Variants in RYR2 observed in about 807,000 individuals in gnomAD.
RYR2 encodes cardiac muscle ryanodine receptor-calcium release channel.
Under a neutral mutation model 601.1 loss-of-function variants are expected in RYR2, and 227 were observed. The observed-to-expected ratio is 0.38, with a 90% CI of 0.34 to 0.42. The LOEUF (loss-of-function observed/expected upper bound fraction) is 0.42, where lower values mean the gene tolerates loss of function less well. Ranked by LOEUF, RYR2 falls within the 10% of genes least tolerant of loss-of-function variation. The pLI is 1.00. For synonymous variants in RYR2, 2,223 were observed against 2,175.1 expected, an observed-to-expected ratio of 1.02 and a Z score of -0.61; for missense variants, 4,646 against 6,156.5, an observed-to-expected ratio of 0.75 and a Z score of 8.21.
intron 2 of RYR2, among the ~76,000 whole-genome samples, chr1:237,278,245 A>ATTTTTTT (rs71561863): frequency 1.8e-4 from 12 of 67,020 alleles, no homozygotes; most frequent in Admixed American, 5.1e-4. Context: ...TAATTTTTGT[A>ATTTTTTT]TTTTTTTTTT....
intron 27 of RYR2, among the ~76,000 whole-genome samples, chr1:237,553,497 C>G (rs1028725342): frequency 3.9e-5 from 6 of 151,966 alleles, no homozygotes; most frequent in Non-Finnish European, 8.8e-5. Context: ...TCAGGTAGGG[C>G]AAGTCTTCCA....
intron 2 of RYR2, among the ~76,000 whole-genome samples, chr1:237,299,332 A>G (rs1302183768): frequency 2.0e-5 from 3 of 152,300 alleles, no homozygotes; most frequent in African/African-American, 7.2e-5. Flanking sequence ...TGCTAGAGAG[A>G]AAGAGCTGGA....
chr1:237,623,359 G>GTTTCTTTCTTTCTTTGTTTGTTTC (rs35848815), intron 38 of RYR2, among the ~76,000 whole-genome samples: 1,287 of 47,746 alleles, frequency 0.027, 34 homozygotes, highest in Middle Eastern at 0.047. Flanking sequence ...GCCTTTCTTT[G>GTTTCTTTCTTTCTTTGTTTGTTTC]TTTCTTTCTT....
At chr1:237,726,822 C>G (rs1335490439) in intron 75 of RYR2, among the ~76,000 whole-genome samples, 4 of 151,984 alleles carry the variant, frequency 2.6e-5, no homozygotes, top group Non-Finnish European at 5.9e-5. Context: ...TTGAAGTACA[C>G]AGTATTGGGA....
intron 65 of RYR2, among the ~76,000 whole-genome samples, chr1:237,701,303 G>C (rs1399138723): frequency 6.6e-6 from 1 of 152,168 alleles, no homozygotes; most frequent in Non-Finnish European, 1.5e-5. Flanking sequence ...GGCTGAGGTG[G>C]GTGGTTCAGC....
intron 14 of RYR2, among the ~76,000 whole-genome samples, chr1:237,449,194 A>G (rs1293952015): frequency 1.3e-5 from 2 of 151,736 alleles, no homozygotes; most frequent in African/African-American, 2.4e-5. Flanking sequence ...TTAGCTGAGT[A>G]TTTTCTATTA....
chr1:237,589,773 GA>G lies in RYR2; in HGVS notation c.3599-19del. ...TCATATACTAATGGTACTAAAACTT[GA>G]TTTTTTTTTTCTTCCCAGGATTCAT... On this transcript the variant is annotated intron_variant, in intron 29 of 104. Coordinates refer to ENST00000366574, the MANE Select transcript of RYR2 (RefSeq NM_001035.3). 6.3e-7 allele frequency: 1 copy of G among 1,582,156 alleles called. No homozygotes were observed.
chr1:237,651,295 C>A (rs971550704), intron 50 of RYR2, 116 bp from the exon 51 acceptor site: 1 of 710,680 alleles, frequency 1.4e-6, no homozygotes, highest in Admixed American at 2.3e-5. Context: ...CTAATGAATA[C>A]CATCTGAAGT....
intron 11 of RYR2, among the ~76,000 whole-genome samples, chr1:237,420,053 T>G (rs1487624371): frequency 3.9e-5 from 6 of 152,180 alleles, no homozygotes; most frequent in African/African-American, 1.4e-4. Context: ...TACTATATAT[T>G]TGTTGTAGTT....
chr1:237,449,090 A>G (rs1211529600), intron 14 of RYR2, among the ~76,000 whole-genome samples: 1 of 152,088 alleles, frequency 6.6e-6, no homozygotes, highest in Non-Finnish European at 1.5e-5. Flanking sequence ...CCACCCTTAC[A>G]CGGGAGCGTG....
chr1:237,698,247 C>T lies in RYR2; in HGVS notation c.9068-718C>T, dbSNP rs550234129. Among the ~76,000 whole-genome samples, 9 of 151,596 alleles carry T rather than the reference C, an allele frequency of 5.9e-5. No individual in the cohort carries two copies. The East Asian group carries it at 1.2e-3, about 20-fold the overall frequency. On this transcript the variant is annotated intron_variant, in intron 63 of 104. Coordinates refer to ENST00000366574, the MANE Select transcript of RYR2 (RefSeq NM_001035.3). The stretch of plus-strand genomic sequence containing the variant: ...TTATTTGCTTTCTGTATCCCCATTA[C>T]GAAGAAAAATATATGTAATGCTTTT...
chr1:237,716,437 G>A (rs1689272325), intron 71 of RYR2, among the ~76,000 whole-genome samples: 1 of 152,138 alleles, frequency 6.6e-6, no homozygotes, highest in East Asian at 1.9e-4. Flanking sequence ...ATAAGTGGAT[G>A]TGGGACAATT....
At chr1:237,397,447 G>T (rs982831626) in intron 10 of RYR2, among the ~76,000 whole-genome samples, 3 of 152,136 alleles carry the variant, frequency 2.0e-5, no homozygotes, top group African/African-American at 7.2e-5. Context: ...GAAGTTACAG[G>T]CCAAGTCATA....
chr1:237,209,890 G>A (rs1294002093), intron 1 of RYR2, among the ~76,000 whole-genome samples: 1 of 152,078 alleles, frequency 6.6e-6, no homozygotes, highest in East Asian at 1.9e-4. Context: ...AAGTGTGACA[G>A]CCCTAATACA....
At chr1:237,645,977 C>T (rs973530977) in intron 48 of RYR2, among the ~76,000 whole-genome samples, 7 of 150,874 alleles carry the variant, frequency 4.6e-5, no homozygotes, top group Non-Finnish European at 1.0e-4. Flanking sequence ...CCCGGGTTCA[C>T]GCCATTCTCC....
chr1:237,405,908 T>TTTTTTTTTTTTTTTTTTTTTTTGAGACGG, intron 10 of RYR2, among the ~76,000 whole-genome samples: 1 of 148,194 alleles, frequency 6.7e-6, no homozygotes, highest in Non-Finnish European at 1.5e-5. Context: ...AAAACTTTCT[T>TTTTTTTTTTTTTTTTTTTTTTTGAGACGG]AACTTTATCT....
intron 92 of RYR2, 74 bp downstream of exon 92, chr1:237,788,209 G>T: frequency 2.4e-6 from 3 of 1,239,340 alleles, no homozygotes; most frequent in Non-Finnish European, 2.2e-6. Flanking sequence ...GTAAATGTTT[G>T]CTGACCTCTC....
chr1:237,095,310 T>G (rs1245767210), intron 1 of RYR2, among the ~76,000 whole-genome samples: 8 of 152,198 alleles, frequency 5.3e-5, no homozygotes, highest in Admixed American at 5.2e-4. Context: ...GGTCTTCCAC[T>G]GAACACTGCT....
intron 1 of RYR2, among the ~76,000 whole-genome samples, chr1:237,186,022 T>C (rs539570373): frequency 2.0e-5 from 3 of 152,150 alleles, no homozygotes; most frequent in Non-Finnish European, 2.9e-5. Flanking sequence ...CTTTCTTCAG[T>C]TTCAGGAGTC....
Sources: gnomAD v4.1 joint callset for allele counts (sites outside exome capture counted in the v4.1 genomes callset) on GRCh38, gnomAD v4.1.1 for gene constraint, MANE v1.5 for transcripts, NCBI Gene and HGNC (gene_info 2026-07-23, HGNC 2026-07-21) for gene names.